The following ZNF892 variants were observed in gnomAD, a reference collection of about 807,000 sequenced individuals.
ZNF892 encodes zinc finger protein 570-like.
chr2:95,237,740 T>C, the ZNF892 span, among the ~76,000 whole-genome samples: 1 of 152,250 alleles, frequency 6.6e-6, no homozygotes, highest in East Asian at 1.9e-4. Context: ...GGAAAAGTTT[T>C]TGAAGAAAAT....
At chr2:95,208,422 T>G in the ZNF892 span, among the ~76,000 whole-genome samples, 1 of 152,182 alleles carries the variant, frequency 6.6e-6, no homozygotes, top group Non-Finnish European at 1.5e-5. Flanking sequence ...TATGTTTAAT[T>G]TATATGTCCA....
At chr2:95,252,956 G>T in the ZNF892 span, among the ~76,000 whole-genome samples, 1 of 152,018 alleles carries the variant, frequency 6.6e-6, no homozygotes, top group African/African-American at 2.4e-5. Context: ...TTGTAAATTT[G>T]TTTGAGTTCA....
chr2:95,249,142 T>TA, the ZNF892 span, among the ~76,000 whole-genome samples: 1 of 150,482 alleles, frequency 6.6e-6, no homozygotes, highest in Non-Finnish European at 1.5e-5. Context: ...ACAGGGTTTT[T>TA]ACCCTTCACC....
chr2:95,219,208 A>G, the ZNF892 span, among the ~76,000 whole-genome samples: 1 of 149,480 alleles, frequency 6.7e-6, no homozygotes, highest in African/African-American at 2.5e-5. Context: ...TGGTTTCATC[A>G]TGTTAGCCAG....
chr2:95,253,006 A>C, the ZNF892 span, among the ~76,000 whole-genome samples: 1 of 152,076 alleles, frequency 6.6e-6, no homozygotes, highest in African/African-American at 2.4e-5. Flanking sequence ...AGATGAGTAG[A>C]TTGCAAAAAT....
chr2:95,244,472 G>T, the ZNF892 span, among the ~76,000 whole-genome samples: 2 of 151,818 alleles, frequency 1.3e-5, no homozygotes, highest in East Asian at 3.9e-4. Context: ...TAATGGTAAC[G>T]CATTCAATTA....
At chr2:95,249,229 A>AT in the ZNF892 span, among the ~76,000 whole-genome samples, 408 of 70,656 alleles carry the variant, frequency 5.8e-3, 5 homozygotes, top group Non-Finnish European at 9.1e-3. Context: ...ATATATATAT[A>AT]TATTTTTTTT....
At chr2:95,230,920 A>G in the ZNF892 span, among the ~76,000 whole-genome samples, 1 of 152,358 alleles carries the variant, frequency 6.6e-6, no homozygotes, top group Non-Finnish European at 1.5e-5. Flanking sequence ...GCTTCTTAGC[A>G]CTTATGTTGC....
At chr2:95,219,146 C>T in the ZNF892 span, among the ~76,000 whole-genome samples, 1 of 152,012 alleles carries the variant, frequency 6.6e-6, no homozygotes, top group African/African-American at 2.4e-5. Flanking sequence ...CTACAGGCGC[C>T]TGCTACCATG....
chr2:95,249,207 A>ATGTG, the ZNF892 span, among the ~76,000 whole-genome samples: 3 of 122,346 alleles, frequency 2.5e-5, no homozygotes, highest in African/African-American at 8.9e-5. Context: ...GTATATATGT[A>ATGTG]TGTATATATA....
the ZNF892 span, among the ~76,000 whole-genome samples, chr2:95,257,227 G>C: frequency 6.6e-6 from 1 of 152,118 alleles, no homozygotes; most frequent in Non-Finnish European, 1.5e-5. Flanking sequence ...TTTGATGATG[G>C]TGACGTACAG....
At chr2:95,254,353 T>C in the ZNF892 span, among the ~76,000 whole-genome samples, 1 of 152,138 alleles carries the variant, frequency 6.6e-6, no homozygotes, top group Non-Finnish European at 1.5e-5. Flanking sequence ...TGGTTTTTGT[T>C]GTTGGTTCTG....
chr2:95,210,459 C>T, the ZNF892 span, among the ~76,000 whole-genome samples: 3 of 152,048 alleles, frequency 2.0e-5, no homozygotes, highest in African/African-American at 7.2e-5. Context: ...AAGAGCATTA[C>T]CTGCCCTACT....
chr2:95,231,554 C>T, the ZNF892 span, among the ~76,000 whole-genome samples: 3 of 151,972 alleles, frequency 2.0e-5, no homozygotes, highest in East Asian at 5.8e-4. Flanking sequence ...TATAAATATG[C>T]GAGAGTGTGT....
chr2:95,213,077 C>T, the ZNF892 span, among the ~76,000 whole-genome samples: 11 of 152,180 alleles, frequency 7.2e-5, no homozygotes, highest in Non-Finnish European at 1.5e-4. Context: ...CTGCTAGATT[C>T]CCCATTGAGT....
At chr2:95,210,940 C>G in the ZNF892 span, among the ~76,000 whole-genome samples, 1 of 152,012 alleles carries the variant, frequency 6.6e-6, no homozygotes, top group Non-Finnish European at 1.5e-5. Flanking sequence ...GCAGAATATT[C>G]AGGAATAGGA....
At chr2:95,253,339 G>A in the ZNF892 span, among the ~76,000 whole-genome samples, 3 of 152,162 alleles carry the variant, frequency 2.0e-5, no homozygotes, top group Admixed American at 6.5e-5. Context: ...ATTAAATAAG[G>A]AATCCTTTCC....
the ZNF892 span, among the ~76,000 whole-genome samples, chr2:95,252,184 AT>A: frequency 6.6e-6 from 1 of 152,052 alleles, no homozygotes; most frequent in African/African-American, 2.4e-5. Flanking sequence ...TGCTGCAGCC[AT>A]TAACTCATCA....
the ZNF892 span, among the ~76,000 whole-genome samples, chr2:95,220,910 G>A: frequency 5.7e-3 from 873 of 152,236 alleles, 10 homozygotes; most frequent in African/African-American, 0.02. Context: ...CATATGAGAA[G>A]CACTGGAGAA....
Sources: allele counts gnomAD v4.1 joint callset (sites outside exome capture counted in the v4.1 genomes callset), GRCh38; gene constraint gnomAD v4.1.1; transcripts MANE v1.5; gene names NCBI Gene and HGNC (gene_info 2026-07-23, HGNC 2026-07-21).